The following LOC131768270 variants were observed in gnomAD, a reference collection of about 807,000 sequenced individuals.
the LOC131768270 span, chr5:140,568,038 A>G: frequency 1.2e-6 from 2 of 1,613,968 alleles, no homozygotes; most frequent in Non-Finnish European, 1.7e-6. Context: ...CTGGTGGTCA[A>G]CGCCGTGCTC....
chr5:140,567,124 G>C, the LOC131768270 span: 3 of 1,613,790 alleles, frequency 1.9e-6, no homozygotes, highest in Non-Finnish European at 1.7e-6. Flanking sequence ...CCCCAAACGT[G>C]TTGCAATCCC....
the LOC131768270 span, chr5:140,565,634 T>C: frequency 3.2e-6 from 1 of 316,614 alleles, no homozygotes; most frequent in African/African-American, 2.1e-5. Context: ...TATAAAATTC[T>C]TGTCAAGGTT....
chr5:140,567,572 C>T, the LOC131768270 span: 60 of 1,614,234 alleles, frequency 3.7e-5, 1 homozygote, highest in South Asian at 1.8e-4. Context: ...CCTCTGCCTC[C>T]GGCACCGCCT....
the LOC131768270 span, chr5:140,566,017 A>G: frequency 2.5e-6 from 1 of 398,844 alleles, no homozygotes; most frequent in Non-Finnish European, 4.4e-6. Flanking sequence ...TTATTGCCCA[A>G]CATGCTCTTG....
chr5:140,567,243 T>C, the LOC131768270 span: 1 of 1,614,230 alleles, frequency 6.2e-7, no homozygotes, highest in East Asian at 2.2e-5. Context: ...ATGCTACTCC[T>C]ATCCACTGCC....
chr5:140,568,344 G>A, the LOC131768270 span: 1 of 810,382 alleles, frequency 1.2e-6, no homozygotes, highest in East Asian at 2.7e-5. Context: ...TGAAGTGTGG[G>A]TTTGGTTAAG....
chr5:140,567,037 C>T, the LOC131768270 span: 2 of 1,396,166 alleles, frequency 1.4e-6, 1 homozygote, highest in East Asian at 4.6e-5. Flanking sequence ...TTGGTAGATG[C>T]CTCTGATCCT....
the LOC131768270 span, chr5:140,565,003 AG>A: frequency 2.0e-5 from 8 of 398,802 alleles, no homozygotes; most frequent in African/African-American, 1.4e-4. Context: ...CTGCCTCAAC[AG>A]TGTGGAGTGG....
At chr5:140,568,450 G>C in the LOC131768270 span, 89 of 428,552 alleles carry the variant, frequency 2.1e-4, no homozygotes, top group Middle Eastern at 2.1e-3. Flanking sequence ...CCCCATCCTT[G>C]TTGGGCAGCT....
the LOC131768270 span, chr5:140,567,214 G>A: frequency 6.2e-7 from 1 of 1,614,160 alleles, no homozygotes. Flanking sequence ...GCCGTCCCAG[G>A]CAGGCCCGCT....
At chr5:140,567,520 G>A in the LOC131768270 span, 1 of 1,614,212 alleles carries the variant, frequency 6.2e-7, no homozygotes, top group African/African-American at 1.3e-5. Flanking sequence ...CCTACCAGGT[G>A]CTGAGTAATC....
chr5:140,568,276 G>A, the LOC131768270 span: 1 of 1,430,622 alleles, frequency 7.0e-7, no homozygotes, highest in South Asian at 1.3e-5. Flanking sequence ...CTGGAGAAGT[G>A]AGGGCAGCCA....
the LOC131768270 span, chr5:140,567,058 T>C: frequency 7.8e-6 from 12 of 1,535,672 alleles, no homozygotes; most frequent in Non-Finnish European, 1.1e-5. Context: ...CAGTATTCTC[T>C]CTGGCAATGT....
At chr5:140,566,288 G>T in the LOC131768270 span, among the ~76,000 whole-genome samples, 3 of 152,184 alleles carry the variant, frequency 2.0e-5, no homozygotes, top group Non-Finnish European at 4.4e-5. Context: ...TAGGAAATGA[G>T]GCTGGAGAAA....
the LOC131768270 span, chr5:140,565,846 C>T: frequency 5.0e-6 from 2 of 398,794 alleles, no homozygotes; most frequent in South Asian, 1.3e-4. Flanking sequence ...AGTCAGACTG[C>T]TGGAGCCAGC....
At chr5:140,568,082 G>T in the LOC131768270 span, 1 of 1,613,834 alleles carries the variant, frequency 6.2e-7, no homozygotes, top group African/African-American at 1.3e-5. Flanking sequence ...GCTCACAGCC[G>T]CCTTCTTCCT....
chr5:140,565,014 G>A, the LOC131768270 span: 7,010 of 398,756 alleles, frequency 0.018, 91 homozygotes, highest in Non-Finnish European at 0.021. Context: ...GTGTGGAGTG[G>A]TGTGGGGAGA....
chr5:140,565,605 T>G, the LOC131768270 span: 5 of 257,520 alleles, frequency 1.9e-5, no homozygotes, highest in Non-Finnish European at 3.6e-5. Flanking sequence ...CTCCTGCCTT[T>G]CCTACATACT....
chr5:140,567,062 G>A, the LOC131768270 span: 1 of 1,545,752 alleles, frequency 6.5e-7, no homozygotes, highest in Non-Finnish European at 8.9e-7. Flanking sequence ...ATTCTCTCTG[G>A]CAATGTTCCA....
Sources: gnomAD v4.1 joint callset for allele counts (sites outside exome capture counted in the v4.1 genomes callset) on GRCh38, gnomAD v4.1.1 for gene constraint, MANE v1.5 for transcripts.